ALK: variants seen among roughly 807,000 people sequenced by gnomAD.
The protein encoded by ALK is ALK receptor tyrosine kinase, also known as ALK tyrosine kinase receptor.
ALK carries 74 observed loss-of-function variants against 163.1 expected under a neutral mutation model. The observed-to-expected ratio is 0.45, with a 90% CI of 0.38 to 0.55. The LOEUF (loss-of-function observed/expected upper bound fraction) is 0.55. Among genes scored for constraint, ALK ranks in the 20% least tolerant of loss-of-function variants. The pLI, the probability that ALK is intolerant of heterozygous loss-of-function variation, is 0.00. For missense variants in ALK, 2,063 were observed against 2,105.3 expected (o/e 0.98, Z 0.39); for synonymous variants, 960 against 843.2 (o/e 1.14, Z -2.40).
intron 4 of ALK, among the ~76,000 whole-genome samples, chr2:29,462,189 A>G (rs1671100359): frequency 6.6e-6 from 1 of 152,190 alleles, no homozygotes; most frequent in South Asian, 2.1e-4. Context: ...AATCGAATCT[A>G]TTCTTGGTGA....
intron 1 of ALK, among the ~76,000 whole-genome samples, chr2:29,751,772 C>T (rs1421673231): frequency 3.3e-5 from 5 of 152,126 alleles, no homozygotes; most frequent in East Asian, 1.9e-4. Context: ...GTGTCCACCA[C>T]GTCTTCATGT....
chr2:29,526,911 GAC>G (rs1435538700), intron 4 of ALK, among the ~76,000 whole-genome samples: 9 of 152,216 alleles, frequency 5.9e-5, no homozygotes, highest in Non-Finnish European at 1.5e-5. Context: ...CCTGTCTACT[GAC>G]AGGAACAGCC....
chr2:29,501,928 A>G (rs1030703628), intron 4 of ALK, among the ~76,000 whole-genome samples: 1 of 152,338 alleles, frequency 6.6e-6, no homozygotes, highest in East Asian at 1.9e-4. Context: ...GTGGAATTGT[A>G]TAGTATTTGT....
rs1572503443 is a variant in ALK at position 29,920,335 on chromosome 2, A to G, written c.325T>C (p.Ser109Pro). The change falls in exon 1 of 29, where the codon TCC becomes CCC. Residue 109 changes from serine to proline, a missense_variant. Transcript: ENST00000389048. ...LRLLGPAPGV[S>P]WTAGSPAPAE... ...GGGGCTGGTGAACCGGCGGTCCAGGAGACCCCCGGCGCCGGCCCCAGCAAC... is the reference window on the plus strand; with the variant it reads ...GGGGCTGGTGAACCGGCGGTCCAGGGGACCCCCGGCGCCGGCCCCAGCAAC... 4.5e-6 allele frequency: 7 copies of G among 1,552,152 alleles called. No homozygotes were observed. Among genetic ancestry groups the G allele is most frequent in the Non-Finnish European group, 6.1e-6 (7 of 1,149,298 alleles).
intron 8 of ALK, among the ~76,000 whole-genome samples, chr2:29,314,795 G>A (rs1273039913): frequency 1.3e-5 from 2 of 152,124 alleles, no homozygotes; most frequent in Non-Finnish European, 2.9e-5. Flanking sequence ...AAACCACACG[G>A]GGCTTGTTGA....
intron 3 of ALK, among the ~76,000 whole-genome samples, chr2:29,593,534 G>T (rs776747646): frequency 1.2e-4 from 18 of 152,208 alleles, no homozygotes; most frequent in Non-Finnish European, 2.1e-4. Flanking sequence ...ACCTACAGGA[G>T]GTCCCCAACT....
At chr2:29,256,438 T>A (rs1009599757) in intron 11 of ALK, among the ~76,000 whole-genome samples, 1 of 152,090 alleles carries the variant, frequency 6.6e-6, no homozygotes. Context: ...GTTACAGTGT[T>A]CCCTCCAAAA....
At chr2:29,595,589 A>G (rs566910164) in intron 3 of ALK, among the ~76,000 whole-genome samples, 29 of 152,172 alleles carry the variant, frequency 1.9e-4, no homozygotes, top group African/African-American at 5.3e-4. Flanking sequence ...CAAAGTGCTG[A>G]AATTACAGGC....
intron 3 of ALK, among the ~76,000 whole-genome samples, chr2:29,537,837 A>T (rs1283198783): frequency 2.0e-5 from 3 of 152,222 alleles, no homozygotes; most frequent in Non-Finnish European, 4.4e-5. Context: ...CTGGGAGCCT[A>T]CCCGTTGCAG....
At chr2:29,300,882 T>TTTCA (rs1401576123) in intron 8 of ALK, among the ~76,000 whole-genome samples, 1 of 152,186 alleles carries the variant, frequency 6.6e-6, no homozygotes, top group East Asian at 1.9e-4. Context: ...CTTTCTCTCA[T>TTTCA]TTCAGGCTTT....
intron 1 of ALK, among the ~76,000 whole-genome samples, chr2:29,801,504 C>T (rs1316602077): frequency 1.3e-5 from 2 of 152,212 alleles, no homozygotes; most frequent in Non-Finnish European, 2.9e-5. Flanking sequence ...TTGCCTGCAT[C>T]GTGCATTCTG....
chr2:29,324,708 T>C (rs1039602574), intron 6 of ALK, among the ~76,000 whole-genome samples: 1 of 152,106 alleles, frequency 6.6e-6, no homozygotes, highest in African/African-American at 2.4e-5. Flanking sequence ...ATCGAGGCCA[T>C]TGGTCAGAAC....
chr2:29,422,075 TC>T (rs1343677724), intron 4 of ALK, among the ~76,000 whole-genome samples: 1 of 151,486 alleles, frequency 6.6e-6, no homozygotes, highest in Non-Finnish European at 1.5e-5. Context: ...CTGAGCTTTT[TC>T]CACGAGGGGA....
intron 3 of ALK, among the ~76,000 whole-genome samples, chr2:29,619,687 T>A (rs1675971948): frequency 6.6e-6 from 1 of 152,172 alleles, no homozygotes; most frequent in African/African-American, 2.4e-5. Context: ...GAAAATGGAT[T>A]CTGTGTATCC....
chr2:29,239,487 C>T (rs1386261071), intron 13 of ALK, among the ~76,000 whole-genome samples, 193 bp downstream of exon 13: 1 of 152,162 alleles, frequency 6.6e-6, no homozygotes, highest in African/African-American at 2.4e-5. Context: ...CAGGTCCTGC[C>T]TCCCCCTAGC....
intron 1 of ALK, among the ~76,000 whole-genome samples, chr2:29,832,772 T>A (rs1448146774): frequency 2.0e-5 from 3 of 152,236 alleles, no homozygotes; most frequent in Admixed American, 6.5e-5. Context: ...AGTGAGGCAC[T>A]GCCCATCTTC....
At chr2:29,865,979 C>G (rs1666425757) in intron 1 of ALK, among the ~76,000 whole-genome samples, 1 of 152,190 alleles carries the variant, frequency 6.6e-6, no homozygotes, top group African/African-American at 2.4e-5. Flanking sequence ...AGTATGTTAT[C>G]TTCAGCATCT....
At chr2:29,579,294 T>C (rs1674610484) in intron 3 of ALK, among the ~76,000 whole-genome samples, 1 of 152,232 alleles carries the variant, frequency 6.6e-6, no homozygotes, top group Non-Finnish European at 1.5e-5. Context: ...TTCCAGGCTC[T>C]TTCTGATCTT....
Position 29,884,651 on chromosome 2 carries a change from C to G in ALK, c.667+35342G>C, listed in dbSNP as rs1316890490. On this transcript the variant is annotated intron_variant, in intron 1 of 28. Transcript: ENST00000389048. ...AAAAAGCCAAGTTATTATGTAACAA[C>G]TTAGAGCAAAAGGAAGGTGAAGGAT... 2.0e-5 allele frequency among the ~76,000 whole-genome samples: 3 copies of G among 152,238 alleles called. No individual in the cohort carries two copies. In the East Asian group the frequency reaches 5.8e-4, roughly 29 times the overall value.
Sources: allele counts gnomAD v4.1 joint callset (sites outside exome capture counted in the v4.1 genomes callset), GRCh38; gene constraint gnomAD v4.1.1; transcripts MANE v1.5; gene names NCBI Gene and HGNC (gene_info 2026-07-23, HGNC 2026-07-21).